RNF14: variants seen among roughly 807,000 people sequenced by gnomAD.
RNF14 encodes E3 ubiquitin-protein ligase RNF14.
RNF14 carries 26 observed loss-of-function variants against 52.6 expected under a neutral mutation model. The observed-to-expected ratio is 0.49, with a 90% CI of 0.36 to 0.69. The LOEUF (loss-of-function observed/expected upper bound fraction) is 0.69, where lower values mean the gene tolerates loss of function less well. Among genes scored for constraint, RNF14 ranks in the 30% least tolerant of loss-of-function variants. The pLI is 0.00. For missense variants in RNF14, 404 were observed against 560.4 expected (o/e 0.72, Z 2.82); for synonymous variants, 194 against 202.0 (o/e 0.96, Z 0.34).
At chr5:141,982,264 C>A (rs1044670930) in intron 6 of RNF14, among the ~76,000 whole-genome samples, 1 of 152,008 alleles carries the variant, frequency 6.6e-6, no homozygotes, top group Non-Finnish European at 1.5e-5. Flanking sequence ...TAACCTTTGT[C>A]CTTAAGATGC....
At chr5:141,975,004 A>G in intron 4 of RNF14, 49 bp downstream of exon 4, 1 of 1,563,864 alleles carries the variant, frequency 6.4e-7, no homozygotes, top group Non-Finnish European at 8.8e-7. Flanking sequence ...AAACTTAAAA[A>G]TCACCTTTAA....
chr5:141,988,952 T>C lies in RNF14; in HGVS notation c.*1162T>C, dbSNP rs1755450569. On this transcript the variant is annotated 3_prime_UTR_variant, in exon 9 of 9. Coordinates refer to ENST00000394520, the MANE Select transcript of RNF14 (RefSeq NM_004290.5). The stretch of plus-strand genomic sequence containing the variant: ...CTTTTTGAAAAATTGTCTTTCCTTA[T>C]CATTGGTGGGAGGCTTGGTAGCAAA... 1 of 152,342 alleles carries C rather than the reference T, an allele frequency of 6.6e-6. No homozygotes were observed. Among genetic ancestry groups the C allele is most frequent in the Non-Finnish European group, 1.5e-5 (1 of 68,034 alleles). The allele number at this position is 152,342 out of a possible 1,614,324, so 9.4% of individuals were successfully genotyped here. A position where few individuals can be genotyped will look rare whatever the true frequency, so the allele number is the denominator to read the frequency against.
At chr5:141,957,413 T>C (rs1249428952), upstream of RNF14, 1 of 1,613,124 alleles carries the variant, frequency 6.2e-7, no homozygotes, top group Non-Finnish European at 8.5e-7. The surrounding 1 kb of genome is among the most constrained non-coding windows in gnomAD (Gnocchi z 4.3). Context: ...AGAGAGGCGC[T>C]CTCAGAGATT....
intron 8 of RNF14, among the ~76,000 whole-genome samples, chr5:141,986,845 A>G (rs944912113): frequency 2.6e-5 from 4 of 152,336 alleles, no homozygotes; most frequent in African/African-American, 9.6e-5. Context: ...TTATGAAAGG[A>G]GAAAAACGCT....
At chr5:141,966,984 G>A (rs1753365052), upstream of RNF14, 1 of 152,352 alleles carries the variant, frequency 6.6e-6, no homozygotes, top group Non-Finnish European at 1.5e-5. Context: ...TGGCTTTGGA[G>A]ATTCTTCTTC....
rs1417701788 is a variant in RNF14, at chr5:141,983,670, C to T, written c.1236+118C>T. On this transcript the variant is annotated intron_variant, in intron 7 of 8. Transcript: ENST00000394520. ...AAAACACATGCTGGTATTATTACAC[C>T]TTCTTACGTGGAAGGTGGAAATTTC... 7.2e-6 allele frequency: 6 copies of T among 829,094 alleles called. No individual in the cohort carries two copies. In the South Asian group the frequency reaches 8.6e-5, roughly 12 times the overall value. 51.4% of individuals were successfully genotyped at this position (829,094 alleles called of 1,614,324 possible). A position where few individuals can be genotyped will look rare whatever the true frequency, so the allele number is the denominator to read the frequency against.
upstream of RNF14, among the ~76,000 whole-genome samples, chr5:141,968,029 A>G: frequency 6.6e-6 from 1 of 152,196 alleles, no homozygotes; most frequent in Non-Finnish European, 1.5e-5. Context: ...AGTTTCTGGC[A>G]ACCACTAAAC....
intron 7 of RNF14, among the ~76,000 whole-genome samples, chr5:141,984,365 T>A (rs913320947): frequency 1.3e-5 from 2 of 152,182 alleles, no homozygotes. Flanking sequence ...CCCAAAGTGC[T>A]GGGATTACAG....
At chr5:141,980,680 G>A (rs968036974) in intron 6 of RNF14, among the ~76,000 whole-genome samples, 2 of 64,772 alleles carry the variant, frequency 3.1e-5, no homozygotes, top group African/African-American at 9.2e-5. Flanking sequence ...TTTTAGTTAG[G>A]GAAAACAGGG....
At chr5:141,965,292 C>T (rs1202876915), upstream of RNF14, among the ~76,000 whole-genome samples, 1 of 152,126 alleles carries the variant, frequency 6.6e-6, no homozygotes, top group East Asian at 1.9e-4. Context: ...GTCTGCTAAC[C>T]CCTATAGTGA....
In RNF14 at chr5:141,983,576, G is replaced by A. The variant is rs1232822779; in HGVS notation, c.1236+24G>A. 5 of 1,588,406 alleles carry A rather than the reference G, an allele frequency of 3.1e-6. No individual in the cohort carries two copies. In the East Asian group the frequency reaches 6.7e-5, roughly 21 times the overall value. On this transcript the variant is annotated intron_variant, in intron 7 of 8. Transcript: ENST00000394520. ...AGGTAAATGTTTTGGGACAGACTTG[G>A]AGGCCATCAGACTTGCAAGGATGTT...
intron 2 of RNF14, among the ~76,000 whole-genome samples, chr5:141,971,451 C>G (rs933435732): frequency 3.3e-5 from 5 of 152,178 alleles, no homozygotes; most frequent in Non-Finnish European, 7.3e-5. Context: ...CAAGGCTGAT[C>G]TCAAACTGCT....
upstream of RNF14, among the ~76,000 whole-genome samples, chr5:141,954,518 A>G (rs538315912): frequency 2.0e-5 from 3 of 152,220 alleles, no homozygotes; most frequent in Non-Finnish European, 2.9e-5. Context: ...TGGTGTTAAC[A>G]TAGACATCTT....
chr5:141,985,977 C>A (rs571794542), intron 8 of RNF14, among the ~76,000 whole-genome samples: 2 of 152,290 alleles, frequency 1.3e-5, no homozygotes, highest in African/African-American at 4.8e-5. Context: ...GAAGTTAGGT[C>A]TAGACTGAAG....
At chr5:141,973,531 C>T (rs1753985861) in intron 2 of RNF14, 52 bp from the exon 3 acceptor site, 2 of 1,520,730 alleles carry the variant, frequency 1.3e-6, no homozygotes, top group African/African-American at 1.4e-5. Flanking sequence ...AGCCACCACA[C>T]CCGGCCAGCC....
rs769769499 is a variant in RNF14 at position 141,978,758 on chromosome 5, G to C, written c.762G>C (p.Gln254His). The C allele has an allele frequency of 6.2e-7, 1 of 1,614,014 alleles. No individual in the cohort carries two copies. The highest frequency in any genetic ancestry group is 8.5e-7 in the Non-Finnish European group (1 of 1,179,868). Residue 254 changes from glutamine to histidine, a missense_variant, in exon 5 of 9, where the codon CAG becomes CAC. Gln to His is a conservative substitution (Grantham distance 24, BLOSUM62 0). Transcript: ENST00000394520. Reference sequence around the variant, plus strand: ...GTCTGAAGGACTACTTTGAAATCCAGATCAGAGATGGCCAGGTTCAATGCC... The same window carrying C: ...GTCTGAAGGACTACTTTGAAATCCACATCAGAGATGGCCAGGTTCAATGCC... ...KACLKDYFEI[Q>H]IRDGQVQCLN...
chr5:141,956,619 C>A, upstream of RNF14: 1 of 1,614,212 alleles, frequency 6.2e-7, no homozygotes, highest in Non-Finnish European at 8.5e-7. Context: ...TGGTTAGCAA[C>A]ATGTATGTGT....
chr5:141,967,540 T>TGGGGCCCTTCTAAGTGC (rs1172576313), upstream of RNF14, among the ~76,000 whole-genome samples: 1 of 152,188 alleles, frequency 6.6e-6, no homozygotes, highest in African/African-American at 2.4e-5. Flanking sequence ...CTTCTAAATC[T>TGGGGCCCTTCTAAGTGC]GGGGCCCTTC....
At chr5:141,986,092 G>T (rs1467618074) in intron 8 of RNF14, among the ~76,000 whole-genome samples, 1 of 152,194 alleles carries the variant, frequency 6.6e-6, no homozygotes, top group Non-Finnish European at 1.5e-5. Flanking sequence ...CCTCATTAGT[G>T]TGGTGCTCAT....
Sources: gnomAD v4.1 joint callset for allele counts (sites outside exome capture counted in the v4.1 genomes callset) on GRCh38, gnomAD v4.1.1 for gene constraint, Gnocchi (gnomAD v3.1) non-coding constraint, MANE v1.5 for transcripts, NCBI Gene and HGNC (gene_info 2026-07-23, HGNC 2026-07-21) for gene names.